EARS2: variants seen among roughly 807,000 people sequenced by gnomAD.
The protein encoded by EARS2 is nondiscriminating glutamyl-tRNA synthetase EARS2, mitochondrial.
A neutral mutation model predicts 54.1 loss-of-function variants in EARS2; 50 were observed. That is an observed-to-expected ratio of 0.92 (90% CI 0.74 to 1.17). The LOEUF (loss-of-function observed/expected upper bound fraction) is 1.17, where lower values mean the gene tolerates loss of function less well. Among genes scored for constraint, EARS2 ranks in the 50% most tolerant of loss-of-function variants. EARS2 has a pLI of 0.00. For missense variants in EARS2, 673 were observed against 675.0 expected (o/e 1.00, Z 0.03); for synonymous variants, 298 against 281.0 (o/e 1.06, Z -0.61).
intron 5 of EARS2, among the ~76,000 whole-genome samples, chr16:23,531,962 T>C (rs1965334273): frequency 6.6e-6 from 1 of 152,132 alleles, no homozygotes; most frequent in African/African-American, 2.4e-5. Context: ...ACTACAAGCA[T>C]GTGCCATGTC....
intron 1 of EARS2, among the ~76,000 whole-genome samples, chr16:23,554,078 C>T (rs1010252257): frequency 2.6e-5 from 4 of 152,056 alleles, no homozygotes; most frequent in African/African-American, 4.8e-5. Context: ...GGTACAGTCA[C>T]GGCTCACTGC....
intron 3 of EARS2, among the ~76,000 whole-genome samples, chr16:23,543,170 G>C (rs1034733037): frequency 4.2e-5 from 6 of 144,120 alleles, no homozygotes; most frequent in African/African-American, 1.6e-4. Flanking sequence ...TATAATCCCA[G>C]CACTTTAGGA....
intron 2 of EARS2, 50 bp from the exon 3 acceptor site, chr16:23,544,753 C>T (rs745689244): frequency 2.0e-6 from 3 of 1,485,710 alleles, no homozygotes; most frequent in Non-Finnish European, 2.7e-6. Context: ...CGCTCGTTCT[C>T]AGGCATTGCT....
At chr16:23,546,383 A>T (rs1965603379) in intron 2 of EARS2, 1 of 455,942 alleles carries the variant, frequency 2.2e-6, no homozygotes, top group Non-Finnish European at 4.4e-6. Context: ...CAAACGTACC[A>T]GCCAGCTCAG....
Position 23,552,284 on chromosome 16 carries a change from G to T in EARS2, c.160C>A (p.Leu54Ile). ...ATGTAGTTGTACAAGGCAGTGCGGAGGCCACCCAGGTGCAAGAAGCCTGGA... is the reference window on the plus strand; with the variant it reads ...ATGTAGTTGTACAAGGCAGTGCGGATGCCACCCAGGTGCAAGAAGCCTGGA... ...SPTGFLHLGG[L>I]RTALYNYIFA... The change falls in exon 2 of 9, where the codon CTC becomes ATC. Residue 54 changes from leucine (L) to isoleucine (I), a missense_variant. Coordinates refer to ENST00000449606, the MANE Select transcript of EARS2 (RefSeq NM_001083614.2). The T allele has an allele frequency of 6.2e-7, 1 of 1,614,164 alleles. No homozygotes were observed. The highest frequency in any genetic ancestry group is 8.5e-7 in the Non-Finnish European group (1 of 1,180,006).
At chr16:23,532,806 C>T (rs1394322717) in intron 4 of EARS2, 41 bp from the exon 5 acceptor site, 2 of 1,379,610 alleles carry the variant, frequency 1.4e-6, no homozygotes, top group Non-Finnish European at 1.0e-6. Context: ...TTCCTCTCTC[C>T]CTTCCTCCTT....
intron 1 of EARS2, 128 bp downstream of exon 1, chr16:23,557,077 T>G: frequency 7.3e-7 from 1 of 1,378,378 alleles, no homozygotes; most frequent in Non-Finnish European, 9.7e-7. Context: ...TAAAATGGGC[T>G]CGCGCTGCCT....
At chr16:23,556,976 A>G in intron 1 of EARS2, 1 of 726,688 alleles carries the variant, frequency 1.4e-6, no homozygotes, top group Non-Finnish European at 2.4e-6. Context: ...GCATGAAAAA[A>G]AGATCGAAAG....
chr16:23,557,181 T>C (rs765380785), intron 1 of EARS2, 24 bp downstream of exon 1: 2 of 1,505,182 alleles, frequency 1.3e-6, no homozygotes, highest in East Asian at 4.6e-5. Context: ...CCTCGGCCTG[T>C]AGCGTCACGT....
Position 23,523,458 on chromosome 16 carries a change from C to T in EARS2, c.*913G>A, listed in dbSNP as rs527366751. On this transcript the variant is annotated 3_prime_UTR_variant, in exon 9 of 9. Transcript: ENST00000449606. ...AGATGACGTTTAGGGAAGGGAGACA[C>T]AGGCTGCCCCAAGGTTCAAGAATAA... The T allele has an allele frequency of 1.3e-5, 2 of 152,350 alleles. No homozygotes were observed. The highest frequency in any genetic ancestry group is 4.8e-5 in the African/African-American group (2 of 41,582). 9.4% of individuals were successfully genotyped at this position (152,350 alleles called of 1,614,324 possible). A position where few individuals can be genotyped will look rare whatever the true frequency, so the allele number is the denominator to read the frequency against.
rs1965159573 is a variant in EARS2 at position 23,522,759 on chromosome 16, ATG to A, written c.*1610_*1611del. 6.6e-6 allele frequency: 1 copy of A among 152,192 alleles called. No homozygotes were observed. Among genetic ancestry groups the A allele is most frequent in the African/African-American group, 2.4e-5 (1 of 41,446 alleles). 9.4% of individuals were successfully genotyped at this position (152,192 alleles called of 1,614,324 possible). A position where few individuals can be genotyped will look rare whatever the true frequency, so the allele number is the denominator to read the frequency against. ...ATAAACGTTTACTATCTCACAGTTC[ATG>A]TGTGTCTGACGTTCCGGAGCAGCTT... On this transcript the variant is annotated 3_prime_UTR_variant, in exon 9 of 9. Coordinates refer to ENST00000449606, the MANE Select transcript of EARS2 (RefSeq NM_001083614.2).
intron 2 of EARS2, among the ~76,000 whole-genome samples, chr16:23,549,848 C>G (rs1454994573): frequency 6.6e-6 from 1 of 152,172 alleles, no homozygotes; most frequent in African/African-American, 2.4e-5. Context: ...ACATCTAGAA[C>G]ACTCCTGCTG....
intron 2 of EARS2, among the ~76,000 whole-genome samples, chr16:23,546,935 G>A (rs1024253575): frequency 6.6e-6 from 1 of 152,192 alleles, no homozygotes; most frequent in Non-Finnish European, 1.5e-5. Context: ...GGGCTAAATC[G>A]GGTAAATTTG....
Position 23,557,317 on chromosome 16 carries a change from C to T in EARS2, c.27G>A (p.Leu9=). 2 of 1,536,242 alleles carry T rather than the reference C, an allele frequency of 1.3e-6. No individual in the cohort carries two copies. Among genetic ancestry groups the T allele is most frequent in the Non-Finnish European group, 1.7e-6 (2 of 1,149,678 alleles). MAALLRRL[L]QRERPSAASG... is the part of the protein sequence containing the mutation. ...AGGCCGCCGAAGGCCTCTCGCGCTG[C>T]AGCAGTCTCCTCAGGAGCGCCGCCA... The change falls in exon 1 of 9, where the codon CTG becomes CTA. Residue 9 remains leucine, a synonymous_variant. Coordinates refer to ENST00000449606, the MANE Select transcript of EARS2 (RefSeq NM_001083614.2).
intron 3 of EARS2, among the ~76,000 whole-genome samples, chr16:23,541,482 T>C (rs1965510702): frequency 6.6e-6 from 1 of 152,202 alleles, no homozygotes; most frequent in African/African-American, 2.4e-5. Context: ...TAAGCGGACA[T>C]GGTAAATTGC....
chr16:23,544,233 A>G (rs1315560845), intron 3 of EARS2, among the ~76,000 whole-genome samples: 1 of 152,158 alleles, frequency 6.6e-6, no homozygotes, highest in Admixed American at 6.6e-5. Flanking sequence ...TCCAGGCAAC[A>G]GCTAGCAAGG....
chr16:23,538,617 G>C (rs1006272574), intron 3 of EARS2, among the ~76,000 whole-genome samples: 1 of 152,190 alleles, frequency 6.6e-6, no homozygotes, highest in Non-Finnish European at 1.5e-5. Flanking sequence ...AGCATTTCGG[G>C]AGGACAAGGC....
At chr16:23,537,604 C>T (rs1965442015) in intron 3 of EARS2, 1 of 152,128 alleles carries the variant, frequency 6.6e-6, no homozygotes, top group African/African-American at 2.4e-5. Flanking sequence ...CAAGGTCTCA[C>T]TCTCGTTGAT....
At chr16:23,526,278 A>C (rs1371922630) in intron 7 of EARS2, among the ~76,000 whole-genome samples, 2 of 151,586 alleles carry the variant, frequency 1.3e-5, no homozygotes, top group East Asian at 3.9e-4. Flanking sequence ...ACGCCCAGCT[A>C]ATTTTGTATT....
Sources: allele counts gnomAD v4.1 joint callset (sites outside exome capture counted in the v4.1 genomes callset), GRCh38; gene constraint gnomAD v4.1.1; transcripts MANE v1.5; gene names NCBI Gene and HGNC (gene_info 2026-07-23, HGNC 2026-07-21).